The following ST8SIA2 variants were observed in gnomAD, a reference collection of about 807,000 sequenced individuals.
ST8SIA2 encodes alpha-2,8-sialyltransferase 8B.
Under a neutral mutation model 37.6 loss-of-function variants are expected in ST8SIA2, and 22 were observed. The ratio of observed to expected loss-of-function variants is 0.58; its 90% CI spans 0.42 to 0.83. The LOEUF is 0.83. Ranked by LOEUF, ST8SIA2 falls within the 40% of genes least tolerant of loss-of-function variation. The pLI, the probability that ST8SIA2 is intolerant of heterozygous loss-of-function variation, is 0.00. For missense variants in ST8SIA2, 382 were observed against 484.7 expected, an observed-to-expected ratio of 0.79 and a Z score of 1.99; for synonymous variants, 205 against 201.2, an observed-to-expected ratio of 1.02 and a Z score of -0.16.
intron 1 of ST8SIA2, among the ~76,000 whole-genome samples, chr15:92,405,079 G>A (rs1270064899): frequency 6.9e-6 from 1 of 145,902 alleles, no homozygotes; most frequent in Non-Finnish European, 1.5e-5. Context: ...GGGCAATATA[G>A]CAAGACCCTG....
chr15:92,452,388 G>A (rs564010544), intron 5 of ST8SIA2, among the ~76,000 whole-genome samples: 18 of 152,316 alleles, frequency 1.2e-4, no homozygotes, highest in Admixed American at 2.6e-4. Context: ...CAAAACCAAT[G>A]AACCTCCCAG....
intron 5 of ST8SIA2, among the ~76,000 whole-genome samples, chr15:92,453,525 G>T (rs188639544): frequency 2.7e-4 from 41 of 152,312 alleles, no homozygotes; most frequent in Non-Finnish European, 5.1e-4. Context: ...ACCATCAGTG[G>T]GTGTGTGGTT....
At chr15:92,432,937 G>A (rs1325272324) in intron 2 of ST8SIA2, among the ~76,000 whole-genome samples, 1 of 152,130 alleles carries the variant, frequency 6.6e-6, no homozygotes, top group Non-Finnish European at 1.5e-5. Flanking sequence ...TTCAAGACCA[G>A]CCTGGACAAC....
intron 5 of ST8SIA2, among the ~76,000 whole-genome samples, 199 bp from the exon 6 acceptor site, chr15:92,463,901 G>A (rs563252371): frequency 2.0e-5 from 3 of 151,898 alleles, no homozygotes; most frequent in African/African-American, 4.8e-5. Context: ...GTCTGTGACC[G>A]CATCCAGGCT....
intron 2 of ST8SIA2, among the ~76,000 whole-genome samples, chr15:92,430,746 C>A (rs1191400954): frequency 6.6e-6 from 1 of 152,186 alleles, no homozygotes; most frequent in Admixed American, 6.5e-5. Context: ...ACAAGTGCCC[C>A]ATAGCTATGG....
intron 1 of ST8SIA2, among the ~76,000 whole-genome samples, chr15:92,423,133 G>C (rs1453782723): frequency 6.6e-6 from 1 of 152,230 alleles, no homozygotes; most frequent in African/African-American, 2.4e-5. Context: ...TAGTTATGGG[G>C]AAAAGATGTA....
At chr15:92,459,299 G>A (rs776183273) in intron 5 of ST8SIA2, among the ~76,000 whole-genome samples, 20 of 152,290 alleles carry the variant, frequency 1.3e-4, no homozygotes, top group Non-Finnish European at 2.6e-4. Context: ...CAGGGACACC[G>A]TGGTGGCTCG....
chr15:92,439,522 C>T lies in ST8SIA2; in HGVS notation c.548+912C>T, dbSNP rs1027941703. ...TCCCCAGCCCTGGCAGAACCGCAAA[C>T]GTTCTCATATTTCTGTGGGGACCAA... On this transcript the variant is annotated intron_variant, in intron 4 of 5. Transcript: ENST00000268164. Among the ~76,000 whole-genome samples, 8 of 152,172 alleles carry T rather than the reference C, an allele frequency of 5.3e-5. No individual in the cohort carries two copies. The South Asian group carries it at 1.4e-3, about 28-fold the overall frequency.
At chr15:92,395,976 GT>G (rs1279802038) in intron 1 of ST8SIA2, among the ~76,000 whole-genome samples, 1 of 152,210 alleles carries the variant, frequency 6.6e-6, no homozygotes, top group African/African-American at 2.4e-5. Flanking sequence ...TGCACATAAT[GT>G]TGCACTTTCT....
At chr15:92,399,416 G>T (rs1410097217) in intron 1 of ST8SIA2, among the ~76,000 whole-genome samples, 1 of 152,140 alleles carries the variant, frequency 6.6e-6, no homozygotes, top group Non-Finnish European at 1.5e-5. Flanking sequence ...ACAAGGAGAG[G>T]CTAGCTCTGA....
chr15:92,433,323 G>C (rs184392477), intron 2 of ST8SIA2, among the ~76,000 whole-genome samples: 1 of 152,302 alleles, frequency 6.6e-6, no homozygotes, highest in Admixed American at 6.5e-5. Context: ...TGTCAGCACA[G>C]ACAAAAAGAA....
In ST8SIA2 at chr15:92,445,811, A is replaced by G. The variant is rs761905817; in HGVS notation, c.842+882A>G. 7.1e-4 allele frequency among the ~76,000 whole-genome samples: 108 copies of G among 152,222 alleles called. 1 individual carries two copies. The highest frequency in any genetic ancestry group is 1.9e-4 in the Non-Finnish European group (13 of 68,038). ...CTGAACTATTCCTATCAAGAAGTCC[A>G]TGTCAACCTGGATGGCATTCTTAAA... On this transcript the variant is annotated intron_variant, in intron 5 of 5. Transcript: ENST00000268164.
intron 1 of ST8SIA2, among the ~76,000 whole-genome samples, chr15:92,405,969 G>C (rs139520176): frequency 6.6e-6 from 1 of 152,252 alleles, no homozygotes; most frequent in Admixed American, 6.5e-5. Flanking sequence ...CCTCCCAGAC[G>C]CAGCTTCCAG....
chr15:92,408,717 A>C (rs2049527301), intron 1 of ST8SIA2, among the ~76,000 whole-genome samples: 1 of 144,962 alleles, frequency 6.9e-6, no homozygotes, highest in African/African-American at 2.5e-5. Context: ...TTATTTATTT[A>C]TTTATTGAGA....
At chr15:92,461,427 T>C (rs2049956916) in intron 5 of ST8SIA2, among the ~76,000 whole-genome samples, 1 of 152,148 alleles carries the variant, frequency 6.6e-6, no homozygotes, top group Admixed American at 6.5e-5. Flanking sequence ...TCATGAGCCA[T>C]AGCACAGAGA....
intron 5 of ST8SIA2, among the ~76,000 whole-genome samples, chr15:92,448,922 CTGT>C (rs2049862014): frequency 6.6e-6 from 1 of 151,594 alleles, no homozygotes; most frequent in Admixed American, 6.6e-5. Context: ...AATAAACCCC[CTGT>C]TTATAGGGTA....
chr15:92,413,708 C>T (rs146754949), intron 1 of ST8SIA2, among the ~76,000 whole-genome samples: 93 of 152,310 alleles, frequency 6.1e-4, no homozygotes, highest in Non-Finnish European at 1.1e-3. Context: ...CAGGCCCCTG[C>T]GGTCATGTGG....
intron 4 of ST8SIA2, among the ~76,000 whole-genome samples, chr15:92,439,882 G>A (rs1442417500): frequency 1.3e-5 from 2 of 152,114 alleles, no homozygotes; most frequent in Non-Finnish European, 2.9e-5. Context: ...AGGTGAGTGT[G>A]TGGGGGCCAA....
Position 92,412,957 on chromosome 15 carries a change from C to A in ST8SIA2, c.99-17092C>A, listed in dbSNP as rs369149936. ...ACAGGCGTGAGCCACTGCACCCAGC[C>A]CTTGCCTCTGTTTTCTTCTCAGCAT... On this transcript the variant is annotated intron_variant, in intron 1 of 5. Transcript: ENST00000268164. Among the ~76,000 whole-genome samples, 63 of 152,210 alleles carry A rather than the reference C, an allele frequency of 4.1e-4. 1 individual carries two copies. The East Asian group carries it at 5.6e-3, about 14-fold the overall frequency.
Sources: gnomAD v4.1 joint callset for allele counts (sites outside exome capture counted in the v4.1 genomes callset) on GRCh38, gnomAD v4.1.1 for gene constraint, MANE v1.5 for transcripts, NCBI Gene and HGNC (gene_info 2026-07-23, HGNC 2026-07-21) for gene names.